Variants in MACROD2 observed in about 807,000 individuals in gnomAD.
The protein encoded by MACROD2 is ADP-ribose glycohydrolase MACROD2.
A neutral mutation model predicts 70.4 loss-of-function variants in MACROD2; 36 were observed. That is an observed-to-expected ratio of 0.51 (90% confidence interval 0.39 to 0.68). MACROD2 has a LOEUF of 0.68. Ranked by LOEUF, MACROD2 falls within the 30% of genes least tolerant of loss-of-function variation. The pLI, the probability that MACROD2 is intolerant of heterozygous loss-of-function variation, is 0.00. For synonymous variants in MACROD2, 172 were observed against 178.8 expected, an observed-to-expected ratio of 0.96 and a Z score of 0.30; for missense variants, 496 against 538.4, an observed-to-expected ratio of 0.92 and a Z score of 0.78.
chr20:14,120,869 G>C (rs2054578999), intron 3 of MACROD2, among the ~76,000 whole-genome samples: 1 of 148,856 alleles, frequency 6.7e-6, no homozygotes, highest in Non-Finnish European at 1.5e-5. Flanking sequence ...AGAACACATG[G>C]CCACCGAGAG....
At chr20:14,573,689 C>T (rs1425645105) in intron 4 of MACROD2, among the ~76,000 whole-genome samples, 2 of 152,046 alleles carry the variant, frequency 1.3e-5, no homozygotes, top group African/African-American at 2.4e-5. Flanking sequence ...ATACTGCCAT[C>T]TTTTTGAAAG....
At chr20:14,104,036 C>A (rs2054335623) in intron 3 of MACROD2, among the ~76,000 whole-genome samples, 1 of 152,070 alleles carries the variant, frequency 6.6e-6, no homozygotes, top group African/African-American at 2.4e-5. Context: ...TATCTACATA[C>A]ACACACACGC....
At chr20:14,022,024 C>T (rs1442063326) in intron 2 of MACROD2, among the ~76,000 whole-genome samples, 31 of 152,124 alleles carry the variant, frequency 2.0e-4, no homozygotes, top group East Asian at 7.7e-4. Context: ...CTCAGTCATA[C>T]GGCCATATTT....
intron 5 of MACROD2, among the ~76,000 whole-genome samples, chr20:14,851,335 A>G (rs1464979623): frequency 6.6e-6 from 1 of 152,152 alleles, no homozygotes; most frequent in Non-Finnish European, 1.5e-5. Context: ...TTAGTTGCTA[A>G]TGAATTTTGG....
intron 2 of MACROD2, among the ~76,000 whole-genome samples, chr20:14,030,123 C>G (rs976229098): frequency 2.0e-5 from 3 of 152,210 alleles, no homozygotes; most frequent in Non-Finnish European, 2.9e-5. Flanking sequence ...GCCTCCAACT[C>G]CAGGGCTTAA....
chr20:14,684,112 C>T (rs971173551), intron 4 of MACROD2, among the ~76,000 whole-genome samples: 1 of 152,188 alleles, frequency 6.6e-6, no homozygotes, highest in African/African-American at 2.4e-5. Flanking sequence ...GGGCACAAAG[C>T]CTGCCCTTCT....
chr20:14,272,119 A>T (rs193178323), intron 3 of MACROD2, among the ~76,000 whole-genome samples: 2 of 152,166 alleles, frequency 1.3e-5, no homozygotes, highest in African/African-American at 4.8e-5. Flanking sequence ...GCAGGCCAAC[A>T]TTCAGATTCA....
chr20:14,989,647 C>T (rs1330470422), intron 5 of MACROD2, among the ~76,000 whole-genome samples: 2 of 151,982 alleles, frequency 1.3e-5, no homozygotes, highest in African/African-American at 4.8e-5. Flanking sequence ...CATTTTTGCA[C>T]TAAATATGGA....
At chr20:15,984,288 T>A (rs1414366480) in intron 13 of MACROD2, among the ~76,000 whole-genome samples, 1 of 152,144 alleles carries the variant, frequency 6.6e-6, no homozygotes, top group Non-Finnish European at 1.5e-5. Context: ...TAAAACTTGC[T>A]TAAATTTTTA....
intron 5 of MACROD2, among the ~76,000 whole-genome samples, chr20:15,012,730 CCCAT>C (rs1484799311): frequency 6.6e-6 from 1 of 152,152 alleles, no homozygotes; most frequent in Non-Finnish European, 1.5e-5. Context: ...CTCCCCCTAC[CCCAT>C]TTCCCGGTCT....
chr20:15,348,988 C>G (rs1444825424), intron 6 of MACROD2, among the ~76,000 whole-genome samples: 2 of 152,092 alleles, frequency 1.3e-5, no homozygotes, highest in Non-Finnish European at 2.9e-5. Context: ...AAACATTCTG[C>G]TTTTTCTAAT....
intron 5 of MACROD2, among the ~76,000 whole-genome samples, chr20:14,908,143 A>G (rs1262909080): frequency 1.3e-5 from 2 of 152,018 alleles, no homozygotes; most frequent in Non-Finnish European, 2.9e-5. Flanking sequence ...CAGGAATTCG[A>G]GACCAGTCTG....
intron 6 of MACROD2, among the ~76,000 whole-genome samples, chr20:15,350,578 G>A (rs746799395): frequency 2.6e-4 from 40 of 152,112 alleles, no homozygotes; most frequent in Non-Finnish European, 5.4e-4. Context: ...CACGTATTAG[G>A]ATTTGAGCAT....
chr20:15,517,710 G>A (rs1035744906), intron 8 of MACROD2, among the ~76,000 whole-genome samples: 4 of 152,190 alleles, frequency 2.6e-5, no homozygotes, highest in South Asian at 2.1e-4. Flanking sequence ...ATCCAGGAGC[G>A]TTTACTGCAA....
chr20:15,944,899 G>A lies in MACROD2; in HGVS notation c.907+7355G>A, dbSNP rs565308037. ...GAACATACACAGCTTTATGTGAAAC[G>A]TATGATTGTAATGCAATTTTTCTCT... On this transcript the variant is annotated intron_variant, in intron 12 of 17. Transcript: ENST00000684519. Among the ~76,000 whole-genome samples the A allele has an allele frequency of 2.4e-4, 36 of 152,164 alleles. 3 individuals carry two copies. The South Asian group carries it at 7.2e-3, about 31-fold the overall frequency.
At chr20:15,541,493 A>G (rs892386952) in intron 8 of MACROD2, among the ~76,000 whole-genome samples, 1 of 152,182 alleles carries the variant, frequency 6.6e-6, no homozygotes, top group East Asian at 1.9e-4. Flanking sequence ...CGTGGTTAAT[A>G]GAGCTGGGTC....
At chr20:15,621,403 G>C (rs982393214) in intron 8 of MACROD2, among the ~76,000 whole-genome samples, 2 of 152,066 alleles carry the variant, frequency 1.3e-5, no homozygotes, top group African/African-American at 4.8e-5. Flanking sequence ...GATTCTTCCA[G>C]AAAACTTTGC....
chr20:14,931,382 A>G (rs1250738436), intron 5 of MACROD2, among the ~76,000 whole-genome samples: 1 of 152,100 alleles, frequency 6.6e-6, no homozygotes, highest in East Asian at 1.9e-4. Flanking sequence ...ACCCAAAACA[A>G]AAGGCCCCTG....
chr20:14,876,431 G>A (rs895267339), intron 5 of MACROD2, among the ~76,000 whole-genome samples: 1 of 152,082 alleles, frequency 6.6e-6, no homozygotes, highest in African/African-American at 2.4e-5. Context: ...TGTTTACTCT[G>A]TTGATAGCCT....
Sources: allele counts gnomAD v4.1 joint callset (sites outside exome capture counted in the v4.1 genomes callset), GRCh38; gene constraint gnomAD v4.1.1; transcripts MANE v1.5; gene names NCBI Gene and HGNC (gene_info 2026-07-23, HGNC 2026-07-21).